Variants in GLDC observed in about 807,000 individuals in gnomAD.
GLDC encodes the protein glycine decarboxylase, also known as glycine dehydrogenase (decarboxylating), mitochondrial.
Under a neutral mutation model 121.3 loss-of-function variants are expected in GLDC, and 104 were observed. The ratio of observed to expected loss-of-function variants is 0.86; its 90% confidence interval spans 0.73 to 1.01. The LOEUF is 1.01. Ranked by LOEUF, GLDC falls within the 50% of genes least tolerant of loss-of-function variation. The pLI, the probability that GLDC is intolerant of heterozygous loss-of-function variation, is 0.00. For missense variants in GLDC, 1,429 were observed against 1,306.6 expected (o/e 1.09, Z -1.44); for synonymous variants, 546 against 480.6 (o/e 1.14, Z -1.78).
At chr9:6,593,196 C>A in intron 9 of GLDC, 1 of 565,482 alleles carries the variant, frequency 1.8e-6, no homozygotes, top group Non-Finnish European at 3.2e-6. Flanking sequence ...TAAGGAAAAT[C>A]AACATACAAT....
chr9:6,581,138 A>G (rs1818163553), intron 15 of GLDC, among the ~76,000 whole-genome samples: 1 of 152,236 alleles, frequency 6.6e-6, no homozygotes, highest in Non-Finnish European at 1.5e-5. Flanking sequence ...GAAGCCTTCA[A>G]CAAATGAAGA....
chr9:6,605,123 A>G lies in GLDC; in HGVS notation c.861+8T>C. On this transcript the variant is annotated splice_region_variant and intron_variant, in intron 6 of 24. Transcript: ENST00000321612. ...TCCACGGACCCCCCACAAGAAAGGTATACCTACCCCACTCTGATGAGCTCT... is the reference window on the plus strand; with the variant it reads ...TCCACGGACCCCCCACAAGAAAGGTGTACCTACCCCACTCTGATGAGCTCT... 3 of 1,611,792 alleles carry G rather than the reference A, an allele frequency of 1.9e-6. No individual in the cohort carries two copies. In the South Asian group the frequency reaches 3.3e-5, roughly 18 times the overall value.
At chr9:6,540,185 G>T in intron 21 of GLDC, 39 bp from the exon 22 acceptor site, 1 of 1,240,510 alleles carries the variant, frequency 8.1e-7, no homozygotes, top group Non-Finnish European at 1.2e-6. Flanking sequence ...ATTAGCATCA[G>T]CTTATTGTTT....
chr9:6,555,556 C>G (rs112376419), intron 18 of GLDC, among the ~76,000 whole-genome samples: 4,576 of 151,996 alleles, frequency 0.03, 100 homozygotes, highest in Middle Eastern at 0.058. Context: ...ATTGCCTGAG[C>G]TCAGGAGTTC....
At chr9:6,591,547 T>C (rs1818374505) in intron 11 of GLDC, among the ~76,000 whole-genome samples, 1 of 152,224 alleles carries the variant, frequency 6.6e-6, no homozygotes, top group African/African-American at 2.4e-5. Context: ...ATAACCAAGA[T>C]ACAAATGTCT....
At chr9:6,606,754 A>T (rs1190698240) in intron 4 of GLDC, 85 bp from the exon 5 acceptor site, 7 of 844,106 alleles carry the variant, frequency 8.3e-6, no homozygotes, top group Middle Eastern at 2.2e-4. Flanking sequence ...CATAGTACCG[A>T]GGGTAAGTCT....
chr9:6,532,705 T>G lies in GLDC; in HGVS notation c.*312A>C, dbSNP rs1233096361. ...TGTCTATTAAGTCTCCAGGATAGCC[T>G]CTATGACATCTGCAAACTTGCCACA... is the stretch of plus-strand genomic sequence containing the variant. On this transcript the variant is annotated 3_prime_UTR_variant, in exon 25 of 25. Transcript: ENST00000321612. 2.6e-6 allele frequency: 1 copy of G among 379,422 alleles called. No individual in the cohort carries two copies. The highest frequency in any genetic ancestry group is 6.1e-5 in the East Asian group (1 of 16,262). The allele number at this position is 379,422 out of a possible 1,614,324, so 23.5% of individuals were successfully genotyped here.
intron 15 of GLDC, among the ~76,000 whole-genome samples, chr9:6,574,172 G>A (rs1818017695): frequency 6.6e-6 from 1 of 152,120 alleles, no homozygotes; most frequent in East Asian, 1.9e-4. Context: ...CTAGTTCCCA[G>A]ACAATAGAAA....
intron 3 of GLDC, among the ~76,000 whole-genome samples, chr9:6,618,731 C>G (rs1563863929): frequency 6.6e-6 from 1 of 152,038 alleles, no homozygotes; most frequent in Non-Finnish European, 1.5e-5. Context: ...CAGTGAGGAC[C>G]AGAGTGGGCA....
chr9:6,559,183 T>C (rs1298412336), intron 16 of GLDC, among the ~76,000 whole-genome samples: 1 of 152,164 alleles, frequency 6.6e-6, no homozygotes, highest in Non-Finnish European at 1.5e-5. Context: ...CTGTAATAAA[T>C]TATTAGTTTC....
At chr9:6,643,243 A>G (rs905339268) in intron 2 of GLDC, among the ~76,000 whole-genome samples, 7 of 151,924 alleles carry the variant, frequency 4.6e-5, no homozygotes, top group Non-Finnish European at 8.8e-5. Context: ...CTTCCCTCCG[A>G]CCATCCCTAA....
intron 2 of GLDC, among the ~76,000 whole-genome samples, chr9:6,621,290 G>T (rs997040137): frequency 6.6e-6 from 1 of 152,158 alleles, no homozygotes; most frequent in African/African-American, 2.4e-5. Context: ...CCTTTCTCGG[G>T]TCATTCATAT....
At chr9:6,595,454 G>C (rs1428972599) in intron 8 of GLDC, among the ~76,000 whole-genome samples, 1 of 152,190 alleles carries the variant, frequency 6.6e-6, no homozygotes, top group Non-Finnish European at 1.5e-5. Context: ...TTGGAAGACA[G>C]TGAAGCAATA....
chr9:6,561,237 G>A (rs1396459543), intron 16 of GLDC, among the ~76,000 whole-genome samples: 1 of 152,266 alleles, frequency 6.6e-6, no homozygotes, highest in Admixed American at 6.5e-5. Context: ...GGAAAGAGAA[G>A]TCACAGTGGC....
chr9:6,537,274 C>T (rs942757461), intron 22 of GLDC, among the ~76,000 whole-genome samples: 7 of 152,118 alleles, frequency 4.6e-5, no homozygotes, highest in African/African-American at 1.7e-4. Flanking sequence ...CTGTCTCTGC[C>T]TCCCAATATG....
At chr9:6,553,195 G>A (rs560943302) in intron 20 of GLDC, among the ~76,000 whole-genome samples, 173 bp downstream of exon 20, 1 of 152,230 alleles carries the variant, frequency 6.6e-6, no homozygotes, top group East Asian at 1.9e-4. Flanking sequence ...ATGATTTTTA[G>A]CTCATCTCTT....
Position 6,572,959 on chromosome 9 carries a change from C to T in GLDC, c.1851-7530G>A, listed in dbSNP as rs532270071. 1.7e-4 allele frequency among the ~76,000 whole-genome samples: 26 copies of T among 152,262 alleles called. No homozygotes were observed. The South Asian group carries it at 2.3e-3, about 13-fold the overall frequency. On this transcript the variant is annotated intron_variant, in intron 15 of 24. Coordinates refer to ENST00000321612, the MANE Select transcript of GLDC (RefSeq NM_000170.3). The stretch of plus-strand genomic sequence containing the variant: ...CAAACAGGTATTTCCTGCAGCCACC[C>T]GGGAGTTTCTCTCACCTCTAATATC...
intron 21 of GLDC, among the ~76,000 whole-genome samples, chr9:6,544,792 C>T (rs2129682919): frequency 6.6e-6 from 1 of 152,208 alleles, no homozygotes; most frequent in South Asian, 2.1e-4. Flanking sequence ...TGGATTTTTG[C>T]AATTCTTCCT....
intron 2 of GLDC, chr9:6,622,810 G>C (rs1255914389): frequency 4.3e-4 from 94 of 220,542 alleles, no homozygotes; most frequent in Middle Eastern, 1.8e-3. Context: ...CGCCTCTTCC[G>C]GGCCGCCATC....
Sources: gnomAD v4.1 joint callset for allele counts (sites outside exome capture counted in the v4.1 genomes callset) on GRCh38, gnomAD v4.1.1 for gene constraint, MANE v1.5 for transcripts, NCBI Gene and HGNC (gene_info 2026-07-23, HGNC 2026-07-21) for gene names.